Variants in NDUFA10 observed in about 807,000 individuals in gnomAD.
NDUFA10 encodes the protein NADH:ubiquinone oxidoreductase subunit A10.
A neutral mutation model predicts 47.8 loss-of-function variants in NDUFA10; 40 were observed. The ratio of observed to expected loss-of-function variants is 0.84; its 90% CI spans 0.65 to 1.09. NDUFA10 has a LOEUF of 1.09. Among genes scored for constraint, NDUFA10 ranks in the 50% least tolerant of loss-of-function variants. The pLI, the probability that NDUFA10 is intolerant of heterozygous loss-of-function variation, is 0.00. For missense variants in NDUFA10, 413 were observed against 451.1 expected, an observed-to-expected ratio of 0.92 and a Z score of 0.76; for synonymous variants, 183 against 172.2, an observed-to-expected ratio of 1.06 and a Z score of -0.49.
At chr2:239,913,973 G>A (rs1693796860) in intron 4 of NDUFA10, among the ~76,000 whole-genome samples, 1 of 152,208 alleles carries the variant, frequency 6.6e-6, no homozygotes, top group Admixed American at 6.5e-5. Context: ...CCCCTTTCCA[G>A]CAGGTGGAAC....
rs1468304528 is a variant in NDUFA10 at position 240,005,193 on chromosome 2, C to T, written c.890+17G>A. 1 of 1,605,526 alleles carries T rather than the reference C, an allele frequency of 6.2e-7. No homozygotes were observed. The highest frequency in any genetic ancestry group is 1.3e-5 in the African/African-American group (1 of 74,722). On this transcript the variant is annotated intron_variant, in intron 8 of 9. Transcript: ENST00000252711. ...TAGACCCCAGACATGCAGCAGCCCC[C>T]ACACAGATGCACTTACAGTAATCGC...
intron 3 of NDUFA10, among the ~76,000 whole-genome samples, chr2:240,019,656 A>C: frequency 1.3e-5 from 1 of 76,380 alleles, no homozygotes. Flanking sequence ...GTCTCTACTA[A>C]AAATACAAAA....
At chr2:239,948,797 C>T (rs1002182627) in intron 4 of NDUFA10, among the ~76,000 whole-genome samples, 1 of 152,248 alleles carries the variant, frequency 6.6e-6, no homozygotes, top group African/African-American at 2.4e-5. Flanking sequence ...GGCCCTCCCT[C>T]CTTGGGGACT....
At chr2:240,011,496 A>T in intron 6 of NDUFA10, 121 bp downstream of exon 6, 1 of 764,514 alleles carries the variant, frequency 1.3e-6, no homozygotes, top group Non-Finnish European at 2.3e-6. Flanking sequence ...ACATCAGATT[A>T]AACATCTCAG....
rs1338346004 is a variant in NDUFA10, at chr2:239,940,448, T to C, written c.295-45134A>G. Among the ~76,000 whole-genome samples, 3 of 152,366 alleles carry C rather than the reference T, an allele frequency of 2.0e-5. No homozygotes were observed. The East Asian group carries it at 5.8e-4, about 29-fold the overall frequency. On this transcript the variant is annotated intron_variant, in intron 4 of 5. Coordinates refer to the NDUFA10 transcript ENST00000419408. ...ACATTGCTGGAAGTACGCTCTGAGTTTCCAGAAGGAGGCAAGGATTGAATA... is the reference window on the plus strand; with the variant it reads ...ACATTGCTGGAAGTACGCTCTGAGTCTCCAGAAGGAGGCAAGGATTGAATA...
rs1279081918 is a variant in NDUFA10 at position 239,987,276 on chromosome 2, T to C, written c.999+2798A>G. Among the ~76,000 whole-genome samples, 1 of 152,122 alleles carries C rather than the reference T, an allele frequency of 6.6e-6. No individual in the cohort carries two copies. The highest frequency in any genetic ancestry group is 1.9e-4 in the East Asian group (1 of 5,178). ...GGTTGTGGAGGAGAACACCCTTGTT[T>C]GTGAGAATTACACATTCAAGCCACG... On this transcript the variant is annotated intron_variant, in intron 9 of 9. Transcript: ENST00000252711. This position sits in a 1 kb window ranked among gnomAD's most constrained non-coding sequence, Gnocchi z 4.8.
Position 239,958,882 on chromosome 2 carries a change from TGAG to T in NDUFA10, c.*2233_*2235del. 1.1e-6 allele frequency: 1 copy of T among 935,626 alleles called. No individual in the cohort carries two copies. The highest frequency in any genetic ancestry group is 1.3e-6 in the Non-Finnish European group (1 of 784,600). 58.0% of individuals were successfully genotyped at this position (935,626 alleles called of 1,614,324 possible). On this transcript the variant is annotated 3_prime_UTR_variant, in exon 10 of 10. Transcript: ENST00000252711. Reference sequence around the variant, plus strand: ...GATTATTTCCTGATCTCCAAAGCACTGAGAAGTCCAACATGGAATCCTGGAAAA... The same window carrying T: ...GATTATTTCCTGATCTCCAAAGCACTAAGTCCAACATGGAATCCTGGAAAA...
chr2:239,926,531 G>T (rs1207268013), intron 4 of NDUFA10, among the ~76,000 whole-genome samples: 8 of 152,090 alleles, frequency 5.3e-5, no homozygotes, highest in Non-Finnish European at 7.4e-5. Context: ...TAATACTGAT[G>T]AAAATAACTG....
chr2:239,963,687 T>C lies in NDUFA10; in HGVS notation c.1000-2501A>G, dbSNP rs118111745. ...CCCCATAGAGATGACCCGTGGGCAG[T>C]TGGAAACCTGCGTCTGTGGCTTAGA... On this transcript the variant is annotated intron_variant, in intron 9 of 9. Coordinates refer to ENST00000252711, the MANE Select transcript of NDUFA10 (RefSeq NM_004544.4). Among the ~76,000 whole-genome samples, 453 of 152,264 alleles carry C rather than the reference T, an allele frequency of 3.0e-3. 12 individuals carry two copies. In the East Asian group the frequency reaches 0.043, roughly 14 times the overall value.
chr2:239,900,772 G>A (rs1693529567), intron 4 of NDUFA10, among the ~76,000 whole-genome samples: 1 of 152,210 alleles, frequency 6.6e-6, no homozygotes, highest in Admixed American at 6.5e-5. Context: ...CCAGAGCAAG[G>A]CCCTCACTCT....
intron 4 of NDUFA10, among the ~76,000 whole-genome samples, chr2:239,949,080 T>TC (rs1694505503): frequency 6.6e-6 from 1 of 152,172 alleles, no homozygotes; most frequent in African/African-American, 2.4e-5. Flanking sequence ...TGGACACATG[T>TC]CCCTCTTTGG....
chr2:240,006,029 G>A (rs1166211480), intron 7 of NDUFA10, among the ~76,000 whole-genome samples: 1 of 152,146 alleles, frequency 6.6e-6, no homozygotes. Context: ...CCGGCCTCAA[G>A]GCTGGCTGTC....
intron 9 of NDUFA10, among the ~76,000 whole-genome samples, chr2:239,989,005 G>A (rs1304590848): frequency 4.3e-5 from 5 of 117,384 alleles, no homozygotes; most frequent in South Asian, 2.6e-4. Context: ...ACTCACACAC[G>A]TGTACAAGGA....
chr2:239,945,951 A>C lies in NDUFA10; in HGVS notation c.294+44123T>G, dbSNP rs1277785311. Among the ~76,000 whole-genome samples, 1 of 152,154 alleles carries C rather than the reference A, an allele frequency of 6.6e-6. No homozygotes were observed. The highest frequency in any genetic ancestry group is 1.5e-5 in the Non-Finnish European group (1 of 68,018). On this transcript the variant is annotated intron_variant, in intron 4 of 5. Coordinates refer to the NDUFA10 transcript ENST00000419408. The surrounding 1 kb of genome is among the most constrained non-coding windows in gnomAD (Gnocchi z 4.6). ...GAATGGGATCCGCTTGCGGACAGGA[A>C]GCAGCCCAGAGCCTCACATAATGAG...
chr2:239,916,227 TAC>T (rs1171915558), intron 4 of NDUFA10, among the ~76,000 whole-genome samples: 2 of 127,324 alleles, frequency 1.6e-5, no homozygotes, highest in African/African-American at 3.0e-5. Context: ...AATATACAGA[TAC>T]ACACAGACAG....
intron 4 of NDUFA10, among the ~76,000 whole-genome samples, chr2:239,916,690 C>T (rs141641896): frequency 2.8e-4 from 42 of 152,240 alleles, no homozygotes; most frequent in Admixed American, 1.2e-3. Context: ...CTGCGAGGGC[C>T]GCTCTCTGCT....
intron 4 of NDUFA10, among the ~76,000 whole-genome samples, chr2:239,917,267 C>T (rs555817368): frequency 2.0e-5 from 3 of 152,324 alleles, no homozygotes; most frequent in East Asian, 3.9e-4. Context: ...CAGTAGCAGG[C>T]AAGGCCCACA....
intron 4 of NDUFA10, among the ~76,000 whole-genome samples, chr2:239,924,719 A>T (rs1183515619): frequency 6.6e-6 from 1 of 152,152 alleles, no homozygotes; most frequent in Non-Finnish European, 1.5e-5. Flanking sequence ...TAGTAAGTCA[A>T]GAAAGGAAAA....
chr2:240,020,913 T>C (rs1212313937), intron 3 of NDUFA10, among the ~76,000 whole-genome samples: 3 of 152,226 alleles, frequency 2.0e-5, no homozygotes, highest in African/African-American at 7.2e-5. Context: ...TTTTGACACA[T>C]TTCATATATA....
Sources: gnomAD v4.1 joint callset for allele counts (sites outside exome capture counted in the v4.1 genomes callset) on GRCh38, gnomAD v4.1.1 for gene constraint, Gnocchi (gnomAD v3.1) non-coding constraint, MANE v1.5 for transcripts, NCBI Gene and HGNC (gene_info 2026-07-23, HGNC 2026-07-21) for gene names.